The following ITPA variants were observed in gnomAD, a reference collection of about 807,000 sequenced individuals.
ITPA encodes inosine triphosphate pyrophosphatase.
Under a neutral mutation model 29.6 loss-of-function variants are expected in ITPA, and 29 were observed. The ratio of observed to expected loss-of-function variants is 0.98; its 90% CI spans 0.73 to 1.34. The LOEUF (loss-of-function observed/expected upper bound fraction) is 1.34, where lower values mean the gene tolerates loss of function less well. ITPA is among the 40% of genes most tolerant of loss of function. The probability of loss-of-function intolerance (pLI) is 0.00; values close to 1 mark genes in which losing one functional copy is unlikely to be tolerated. For missense variants in ITPA, 241 were observed against 251.5 expected (o/e 0.96, Z 0.28); for synonymous variants, 103 against 99.3 (o/e 1.04, Z -0.22).
upstream of ITPA, among the ~76,000 whole-genome samples, chr20:3,205,332 CTTTCTTTT>C (rs1300199623): frequency 7.0e-6 from 1 of 143,622 alleles, no homozygotes; most frequent in Non-Finnish European, 1.5e-5. Context: ...TTCTTTCTTT[CTTTCTTTT>C]GAGGGGAAGG....
downstream of ITPA, among the ~76,000 whole-genome samples, chr20:3,226,498 G>C (rs1353791888): frequency 1.3e-5 from 2 of 152,186 alleles, no homozygotes; most frequent in Non-Finnish European, 2.9e-5. The surrounding 1 kb of genome is among the most constrained non-coding windows in gnomAD (Gnocchi z 4.4). Flanking sequence ...AGGCTACCCA[G>C]TGTAAGGTGG....
chr20:3,213,386 G>A lies in ITPA; in HGVS notation c.189+3G>A. 1.9e-6 allele frequency: 3 copies of A among 1,613,790 alleles called. No homozygotes were observed. The highest frequency in any genetic ancestry group is 1.7e-6 in the Non-Finnish European group (2 of 1,180,042). ...AATGTCAGGAGGCAGTTCGCCAGGT[G>A]CTTGCCCTGCCCTTGTCCCACACTT... On this transcript the variant is annotated splice_donor_region_variant and intron_variant, in intron 3 of 7. Transcript: ENST00000380113.
Position 3,221,916 on chromosome 20 carries a change from A to G in ITPA, c.487A>G (p.Thr163Ala), listed in dbSNP as rs752897937. The G allele has an allele frequency of 4.3e-6, 7 of 1,613,620 alleles. No homozygotes were observed. The highest frequency in any genetic ancestry group is 5.9e-6 in the Non-Finnish European group (7 of 1,179,932). ...CTTTCAGCCTGATGGATATGAGCAG[A>G]CGTAAGGAGCCCTGCTTTTCTTCCC... ...PCFQPDGYEQ[T>A]YAEMPKAEKN... The change falls in exon 7 of 8, where the codon ACG becomes GCG. Residue 163 changes from threonine (T) to alanine (A), a missense_variant and splice_region_variant. Thr to Ala is a moderately conservative substitution (Grantham distance 58). Transcript: ENST00000380113.
downstream of ITPA, among the ~76,000 whole-genome samples, chr20:3,225,755 T>G (rs901872775): frequency 2.0e-5 from 3 of 152,112 alleles, no homozygotes; most frequent in African/African-American, 7.2e-5. Flanking sequence ...TAGGCTGGGC[T>G]TGGTGGCTCA....
chr20:3,219,703 C>G (rs766111891), intron 6 of ITPA, among the ~76,000 whole-genome samples: 6 of 150,502 alleles, frequency 4.0e-5, no homozygotes, highest in Non-Finnish European at 8.9e-5. Context: ...TGAGATCTCG[C>G]CACTGCACTC....
At chr20:3,222,061 C>A in intron 7 of ITPA, 144 bp downstream of exon 7, 1 of 798,900 alleles carries the variant, frequency 1.3e-6, no homozygotes, top group Non-Finnish European at 2.1e-6. Flanking sequence ...GGCAGCTCTG[C>A]TGGGGTGGAC....
At chr20:3,224,106 G>A (rs1391762261), downstream of ITPA, among the ~76,000 whole-genome samples, 2 of 152,236 alleles carry the variant, frequency 1.3e-5, no homozygotes, top group African/African-American at 2.4e-5. Flanking sequence ...ATGAAGCCTT[G>A]CTGGGTTGGG....
At chr20:3,225,310 G>A (rs2067543034), downstream of ITPA, among the ~76,000 whole-genome samples, 2 of 152,152 alleles carry the variant, frequency 1.3e-5, no homozygotes, top group African/African-American at 4.8e-5. Context: ...TGAGGTGGCT[G>A]GCAGCATCTA....
downstream of ITPA, among the ~76,000 whole-genome samples, chr20:3,224,086 C>T (rs999412752): frequency 6.6e-6 from 1 of 152,216 alleles, no homozygotes; most frequent in Admixed American, 6.5e-5. Context: ...CAGGTAGTGC[C>T]AGGGCCTCCA....
At chr20:3,209,078 A>G, upstream of ITPA, 1 of 232,628 alleles carries the variant, frequency 4.3e-6, no homozygotes, top group Non-Finnish European at 8.8e-6. This position sits in a 1 kb window ranked among gnomAD's most constrained non-coding sequence, Gnocchi z 4.6. Flanking sequence ...GTTTAAGTTC[A>G]CAGTCGAGTG....
upstream of ITPA, among the ~76,000 whole-genome samples, chr20:3,205,161 T>TA (rs1389952827): frequency 6.6e-6 from 1 of 152,136 alleles, no homozygotes; most frequent in East Asian, 1.9e-4. Context: ...ATATATGTTT[T>TA]AAAAATCACT....
intron 3 of ITPA, 71 bp from the exon 4 acceptor site, chr20:3,213,914 G>A (rs545223470): frequency 1.6e-5 from 25 of 1,516,678 alleles, no homozygotes; most frequent in African/African-American, 4.1e-5. Context: ...CCTGGGTGAC[G>A]CGGGTGACCT....
At chr20:3,209,379 C>T (rs2067117944), upstream of ITPA, 1 of 708,300 alleles carries the variant, frequency 1.4e-6, no homozygotes, top group Non-Finnish European at 2.6e-6. This position sits in a 1 kb window ranked among gnomAD's most constrained non-coding sequence, Gnocchi z 4.6. Flanking sequence ...ACGCTGTGGG[C>T]TAGGCCGCCA....
At chr20:3,221,574 GTGGC>G (rs33961294) in intron 6 of ITPA, among the ~76,000 whole-genome samples, 73,403 of 151,782 alleles carry the variant, frequency 0.48, 18,143 homozygotes, top group South Asian at 0.62. Context: ...TGTCCCGGGT[GTGGC>G]TGGCGAGGGC....
chr20:3,224,308 T>G (rs201963621), downstream of ITPA, among the ~76,000 whole-genome samples: 1 of 152,260 alleles, frequency 6.6e-6, no homozygotes, highest in African/African-American at 2.4e-5. Flanking sequence ...GCCCTGCTTA[T>G]GCCACACGCC....
At chr20:3,214,368 T>C (rs1044735773) in intron 4 of ITPA, among the ~76,000 whole-genome samples, 11 of 123,344 alleles carry the variant, frequency 8.9e-5, no homozygotes, top group African/African-American at 3.2e-4. Flanking sequence ...CCTTTCTTTT[T>C]TTTTTTTTTT....
rs747784107 is a variant in ITPA at position 3,223,397 on chromosome 20, G to A, written c.520G>A (p.Ala174Thr). Residue 174 changes from alanine to threonine, a missense_variant, in exon 8 of 8, where the codon GCT (alanine) becomes ACT (threonine). Coordinates refer to ENST00000380113, the MANE Select transcript of ITPA (RefSeq NM_033453.4). ...AGAGATGCCTAAGGCGGAGAAGAAC[G>A]CTGTCTCCCATCGCTTCCGGGCCCT... is the stretch of plus-strand genomic sequence containing the variant. The part of the protein sequence containing the change: ...YAEMPKAEKN[A>T]VSHRFRALLE... 36 of 1,613,756 alleles carry A rather than the reference G, an allele frequency of 2.2e-5. No homozygotes were observed. Among genetic ancestry groups the A allele is most frequent in the Non-Finnish European group, 2.8e-5 (33 of 1,179,990 alleles).
chr20:3,212,092 GC>G (rs1393688996), intron 1 of ITPA, among the ~76,000 whole-genome samples: 2 of 151,964 alleles, frequency 1.3e-5, no homozygotes, highest in Non-Finnish European at 2.9e-5. Context: ...GATCTCTTGG[GC>G]CCAGGAGGTT....
At position 3,221,782 on chromosome 20, in the gene ITPA, C is replaced by T. The variant is rs1027636661; in HGVS notation, c.412-59C>T. On this transcript the variant is annotated intron_variant, in intron 6 of 7. Coordinates refer to ENST00000380113, the MANE Select transcript of ITPA (RefSeq NM_033453.4). Reference sequence around the variant, plus strand: ...TCACCAAACTCATACTGGCCACTGCCCTCCTCGTGCTTGTCCTCTGGACCC... The same window carrying T: ...TCACCAAACTCATACTGGCCACTGCTCTCCTCGTGCTTGTCCTCTGGACCC... 1.4e-5 allele frequency: 21 copies of T among 1,493,140 alleles called. No homozygotes were observed. The South Asian group carries it at 2.0e-4, about 14-fold the overall frequency. The allele number at this position is 1,493,140 out of a possible 1,614,324, so 92.5% of individuals were successfully genotyped here. A position where few individuals can be genotyped will look rare whatever the true frequency, so the allele number is the denominator to read the frequency against.
Sources: allele counts gnomAD v4.1 joint callset (sites outside exome capture counted in the v4.1 genomes callset), GRCh38; gene constraint gnomAD v4.1.1; non-coding constraint Gnocchi (gnomAD v3.1); transcripts MANE v1.5; gene names NCBI Gene and HGNC (gene_info 2026-07-23, HGNC 2026-07-21).